The following MLNR variants were observed in gnomAD, a reference collection of about 807,000 sequenced individuals.
MLNR encodes the protein G protein-coupled receptor 38.
MLNR carries 16 observed loss-of-function variants against 20.0 expected under a neutral mutation model. That is an observed-to-expected ratio of 0.80 (90% CI 0.54 to 1.22). MLNR has a LOEUF of 1.22. Ranked by LOEUF, MLNR falls within the 50% of genes most tolerant of loss-of-function variation. The pLI is 0.00. For synonymous variants in MLNR, 302 were observed against 287.2 expected (o/e 1.05, Z -0.52); for missense variants, 630 against 592.3 (o/e 1.06, Z -0.66).
Position 49,220,635 on chromosome 13 carries a change from C to T in MLNR, c.298C>T (p.Arg100Cys), listed in dbSNP as rs1886990373. ...GCCGTTCGACCTGTACCGCCTCTGG[C>T]GCTCGCGGCCCTGGGTGTTCGGGCC... ...GLPFDLYRLW[R>C]SRPWVFGPLL... is the part of the protein sequence containing the mutation. Residue 100 changes from arginine (R) to cysteine (C), a missense_variant, in exon 1 of 2, where the codon CGC becomes TGC. By Grantham distance (180) the Arg-to-Cys change is radical (BLOSUM62 -3). Coordinates refer to ENST00000218721, the MANE Select transcript of MLNR (RefSeq NM_001507.1). The surrounding 1 kb of genome is among the most constrained non-coding windows in gnomAD (Gnocchi z 4.4). The T allele has an allele frequency of 6.2e-7, 1 of 1,611,406 alleles. No homozygotes were observed. Among genetic ancestry groups the T allele is most frequent in the South Asian group, 1.1e-5 (1 of 90,798 alleles).
intron 1 of MLNR, chr13:49,221,448 A>G: frequency 3.4e-6 from 2 of 586,884 alleles, no homozygotes; most frequent in Non-Finnish European, 5.9e-6. Context: ...GGGGGACCCC[A>G]GGGCGCTTTG....
chr13:49,220,944 G>C lies in MLNR; in HGVS notation c.607G>C (p.Ala203Pro). ...GTARIASSPL[A>P]SSPPLWLSRA... ...CGCGCGGATCGCCTCCTCGCCTCTC[G>C]CCTCGTCGCCGCCTCTCTGGCTCTC... is the stretch of plus-strand genomic sequence containing the variant. The change falls in exon 1 of 2, where the codon GCC becomes CCC. Residue 203 changes from alanine (A) to proline (P), a missense_variant. Transcript: ENST00000218721. The surrounding 1 kb of genome is among the most constrained non-coding windows in gnomAD (Gnocchi z 4.4). 6.6e-7 allele frequency: 1 copy of C among 1,515,456 alleles called. No homozygotes were observed. Among genetic ancestry groups the C allele is most frequent in the South Asian group, 1.2e-5 (1 of 80,806 alleles). 93.9% of individuals were successfully genotyped at this position (1,515,456 alleles called of 1,614,324 possible). A position where few individuals can be genotyped will look rare whatever the true frequency, so the allele number is the denominator to read the frequency against.
rs1887018427 is a variant in MLNR, at chr13:49,221,984, G to C, written c.902-56G>C. ...CAGATGGTTCCTTGTCGGGGTGGGGGGTTTATTTGCTTCCCAATGCTTTTG... is the reference window on the plus strand; with the variant it reads ...CAGATGGTTCCTTGTCGGGGTGGGGCGTTTATTTGCTTCCCAATGCTTTTG... On this transcript the variant is annotated intron_variant, in intron 1 of 1. Transcript: ENST00000218721. The C allele has an allele frequency of 4.1e-6, 6 of 1,470,198 alleles. No homozygotes were observed. In the South Asian group the frequency reaches 7.5e-5, roughly 18 times the overall value. The allele number at this position is 1,470,198 out of a possible 1,614,324, so 91.1% of individuals were successfully genotyped here.
At position 49,220,875 on chromosome 13, in the gene MLNR, G is replaced by A; in HGVS notation, c.538G>A (p.Glu180Lys). 6.4e-7 allele frequency: 1 copy of A among 1,570,826 alleles called. No individual in the cohort carries two copies. The highest frequency in any genetic ancestry group is 8.6e-7 in the Non-Finnish European group (1 of 1,160,520). Reference sequence around the variant, plus strand: ...TCCCTTCTTGTTCCTGGTGGGCGTCGAGCAGGACCCCGGCATCTCCGTAGT... The same window carrying A: ...TCCCTTCTTGTTCCTGGTGGGCGTCAAGCAGGACCCCGGCATCTCCGTAGT... ...AGPFLFLVGV[E>K]QDPGISVVPG... Residue 180 changes from glutamate to lysine, a missense_variant, in exon 1 of 2, where the codon GAG becomes AAG. Transcript: ENST00000218721. The surrounding 1 kb of genome is among the most constrained non-coding windows in gnomAD (Gnocchi z 4.4).
In MLNR at chr13:49,220,580, C is replaced by T. The variant is rs1886989160; in HGVS notation, c.243C>T (p.Ala81=). 6.2e-7 allele frequency: 1 copy of T among 1,613,252 alleles called. No individual in the cohort carries two copies. Among genetic ancestry groups the T allele is most frequent in the Admixed American group, 1.7e-5 (1 of 59,980 alleles). ...CCAACTTGTACCTGGGCAGCATGGC[C>T]GTGTCCGACCTACTCATCCTGCTCG... ...TTTNLYLGSM[A]VSDLLILLGL... Residue 81 remains alanine (A), a synonymous_variant, in exon 1 of 2, where the codon GCC becomes GCT. Transcript: ENST00000218721. The surrounding 1 kb of genome is among the most constrained non-coding windows in gnomAD (Gnocchi z 4.4).
At position 49,220,341 on chromosome 13, in the gene MLNR, G is replaced by T; in HGVS notation, c.4G>T (p.Gly2Cys). 5.1e-6 allele frequency: 7 copies of T among 1,377,502 alleles called. No individual in the cohort carries two copies. The highest frequency in any genetic ancestry group is 5.6e-6 in the Non-Finnish European group (6 of 1,074,536). The allele number at this position is 1,377,502 out of a possible 1,614,324, so 85.3% of individuals were successfully genotyped here. ...GCGGCGGCCGCGCGGAGCACCCATG[G>T]GCAGCCCCTGGAACGGCAGCGACGG... M[G>C]SPWNGSDGPE... Residue 2 changes from glycine to cysteine, a missense_variant, in exon 1 of 2, where the codon GGC becomes TGC. By Grantham distance (159) the Gly-to-Cys change is radical. Transcript: ENST00000218721. This position sits in a 1 kb window ranked among gnomAD's most constrained non-coding sequence, Gnocchi z 4.4.
intron 1 of MLNR, chr13:49,221,473 G>C (rs1004892819): frequency 1.8e-6 from 1 of 562,454 alleles, no homozygotes; most frequent in African/African-American, 2.0e-5. Flanking sequence ...TGGGATCCCC[G>C]GATCCGATTC....
At position 49,222,229 on chromosome 13, in the gene MLNR, C is replaced by T. The variant is rs758729801; in HGVS notation, c.1091C>T (p.Ala364Val). ...AACCTCATTTCAAAGAAGTACAGAG[C>T]GGCGGCCTTTAAACTGCTGCTCGCA... ...LYNLISKKYRAAAFKLLLARK... is the reference protein window; with the variant it reads ...LYNLISKKYRVAAFKLLLARK... Residue 364 changes from alanine (A) to valine (V), a missense_variant, in exon 2 of 2, where the codon GCG (alanine) becomes GTG (valine). Ala to Val is a moderately conservative substitution (Grantham distance 64). Transcript: ENST00000218721. 29 of 1,613,916 alleles carry T rather than the reference C, an allele frequency of 1.8e-5. No individual in the cohort carries two copies. In the Middle Eastern group the frequency reaches 2.0e-3, roughly 110 times the overall value.
Position 49,222,092 on chromosome 13 carries a change from A to G in MLNR, c.954A>G (p.Arg318=). The G allele has an allele frequency of 6.2e-7, 1 of 1,614,168 alleles. No homozygotes were observed. Among genetic ancestry groups the G allele is most frequent in the South Asian group, 1.1e-5 (1 of 91,078 alleles). The change falls in exon 2 of 2, where the codon AGA becomes AGG. Residue 318 remains arginine, a synonymous_variant. Coordinates refer to ENST00000218721, the MANE Select transcript of MLNR (RefSeq NM_001507.1). ...IICWLPFHVG[R]IIYINTEDSR... is the part of the protein sequence containing the mutation. ...GCTGGTTGCCCTTCCACGTTGGCAGAATCATTTACATAAACACGGAAGATT... is the reference window on the plus strand; with the variant it reads ...GCTGGTTGCCCTTCCACGTTGGCAGGATCATTTACATAAACACGGAAGATT...
rs750302335 is a variant in MLNR at position 49,221,096 on chromosome 13, C to A, written c.759C>A (p.Thr253=). Residue 253 remains threonine, a synonymous_variant, in exon 1 of 2, where the codon ACC becomes ACA. Transcript: ENST00000218721. ...GALRVMLWVT[T]AYFFLPFLCL... ...TGCGTGTCATGCTGTGGGTCACCACCGCCTACTTCTTCCTGCCCTTTCTGT... is the reference window on the plus strand; with the variant it reads ...TGCGTGTCATGCTGTGGGTCACCACAGCCTACTTCTTCCTGCCCTTTCTGT... The A allele has an allele frequency of 1.3e-6, 2 of 1,590,790 alleles. No homozygotes were observed. The highest frequency in any genetic ancestry group is 2.2e-5 in the South Asian group (2 of 90,096).
Position 49,220,429 on chromosome 13 carries a change from C to T in MLNR, c.92C>T (p.Ser31Leu). 6.5e-7 allele frequency: 1 copy of T among 1,539,236 alleles called. No homozygotes were observed. The highest frequency in any genetic ancestry group is 8.7e-7 in the Non-Finnish European group (1 of 1,147,400). The change falls in exon 1 of 2, where the codon TCG (serine) becomes TTG (leucine). Residue 31 changes from serine (S) to leucine (L), a missense_variant. By Grantham distance (145) the Ser-to-Leu change is moderately radical. Coordinates refer to ENST00000218721, the MANE Select transcript of MLNR (RefSeq NM_001507.1). This position sits in a 1 kb window ranked among gnomAD's most constrained non-coding sequence, Gnocchi z 4.4. ...ALPPCDERRC[S>L]PFPLGALVPV... ...CCGCCTTGCGACGAGCGCCGCTGCTCGCCCTTTCCCCTGGGGGCGCTGGTG... is the reference window on the plus strand; with the variant it reads ...CCGCCTTGCGACGAGCGCCGCTGCTTGCCCTTTCCCCTGGGGGCGCTGGTG...
intron 1 of MLNR, 135 bp downstream of exon 1, chr13:49,221,373 C>A: frequency 1.1e-6 from 1 of 895,308 alleles, no homozygotes; most frequent in African/African-American, 1.7e-5. Flanking sequence ...TATTTCGATT[C>A]CAGCCTCCAC....
chr13:49,221,052 C>T lies in MLNR; in HGVS notation c.715C>T (p.Pro239Ser). 2.5e-6 allele frequency: 4 copies of T among 1,572,696 alleles called. No individual in the cohort carries two copies. Among genetic ancestry groups the T allele is most frequent in the Non-Finnish European group, 3.4e-6 (4 of 1,169,642 alleles). ...ALFSRECRPS[P>S]AQLGALRVML... ...GTTCAGCCGCGAATGCCGGCCGAGC[C>T]CCGCGCAGCTGGGCGCGCTGCGTGT... Residue 239 changes from proline (P) to serine (S), a missense_variant, in exon 1 of 2, where the codon CCC becomes TCC. Coordinates refer to ENST00000218721, the MANE Select transcript of MLNR (RefSeq NM_001507.1).
In MLNR at chr13:49,222,231, G is replaced by A. The variant is rs1242428162; in HGVS notation, c.1093G>A (p.Ala365Thr). ...YNLISKKYRAAAFKLLLARKS... is the reference protein window; with the variant it reads ...YNLISKKYRATAFKLLLARKS... ...CCTCATTTCAAAGAAGTACAGAGCGGCGGCCTTTAAACTGCTGCTCGCAAG... is the reference window on the plus strand; with the variant it reads ...CCTCATTTCAAAGAAGTACAGAGCGACGGCCTTTAAACTGCTGCTCGCAAG... Residue 365 changes from alanine to threonine, a missense_variant, in exon 2 of 2, where the codon GCG becomes ACG. By Grantham distance (58) the Ala-to-Thr change is moderately conservative. Transcript: ENST00000218721. 1.2e-6 allele frequency: 2 copies of A among 1,614,074 alleles called. No homozygotes were observed. Among genetic ancestry groups the A allele is most frequent in the South Asian group, 2.2e-5 (2 of 91,070 alleles).
At position 49,221,186 on chromosome 13, in the gene MLNR, CCCGGCCGCCT is replaced by C; in HGVS notation, c.851_860del (p.Pro284ArgfsTer22). 6.3e-7 allele frequency: 1 copy of C among 1,586,164 alleles called. No individual in the cohort carries two copies. ...GGAGCAGCCGGCGGCCGCTGCGAGG[CCCGGCCGCCT>C]CGGGGCGGGAGAGAGGCCACCGGCA... is the stretch of plus-strand genomic sequence containing the variant. On this transcript the variant is annotated frameshift_variant, in exon 1 of 2. Coordinates refer to ENST00000218721, the MANE Select transcript of MLNR (RefSeq NM_001507.1). LOFTEE classifies it high-confidence loss of function.
Position 49,220,848 on chromosome 13 carries a change from G to T in MLNR, c.511G>T (p.Gly171Cys), listed in dbSNP as rs752186589. Reference protein sequence around the residue: ...VLWAVALLSAGPFLFLVGVEQ... With the variant: ...VLWAVALLSACPFLFLVGVEQ... ...CTGGGCCGTGGCGCTGCTCTCTGCC[G>T]GTCCCTTCTTGTTCCTGGTGGGCGT... Residue 171 changes from glycine (G) to cysteine (C), a missense_variant, in exon 1 of 2, where the codon GGT becomes TGT. Gly to Cys is a radical substitution (Grantham distance 159). Coordinates refer to ENST00000218721, the MANE Select transcript of MLNR (RefSeq NM_001507.1). The surrounding 1 kb of genome is among the most constrained non-coding windows in gnomAD (Gnocchi z 4.4). 1.9e-6 allele frequency: 3 copies of T among 1,576,934 alleles called. No individual in the cohort carries two copies. The highest frequency in any genetic ancestry group is 3.4e-4 in the Middle Eastern group (2 of 5,804).
rs938932222 is a variant in MLNR, at chr13:49,220,984, C to T, written c.647C>T (p.Pro216Leu). The T allele has an allele frequency of 1.5e-5, 23 of 1,497,904 alleles. No homozygotes were observed. Among genetic ancestry groups the T allele is most frequent in the Non-Finnish European group, 1.9e-5 (22 of 1,131,494 alleles). 92.8% of individuals were successfully genotyped at this position (1,497,904 alleles called of 1,614,324 possible). Residue 216 changes from proline to leucine, a missense_variant, in exon 1 of 2, where the codon CCG becomes CTG. Coordinates refer to ENST00000218721, the MANE Select transcript of MLNR (RefSeq NM_001507.1). This position sits in a 1 kb window ranked among gnomAD's most constrained non-coding sequence, Gnocchi z 4.4. ...PPLWLSRAPP[P>L]SPPSGPETAE... ...CTCTGGCTCTCGCGGGCGCCACCGC[C>T]GTCCCCGCCGTCGGGGCCCGAGACC...
chr13:49,221,132 C>T lies in MLNR; in HGVS notation c.795C>T (p.Ile265=). 3 of 1,592,396 alleles carry T rather than the reference C, an allele frequency of 1.9e-6. No homozygotes were observed. The highest frequency in any genetic ancestry group is 2.5e-6 in the Non-Finnish European group (3 of 1,177,386). The change falls in exon 1 of 2, where the codon ATC becomes ATT. Residue 265 remains isoleucine, a synonymous_variant. Transcript: ENST00000218721. ...TCCTGCCCTTTCTGTGCCTCAGCATCCTCTACGGGCTCATCGGGCGGGAGC... is the reference window on the plus strand; with the variant it reads ...TCCTGCCCTTTCTGTGCCTCAGCATTCTCTACGGGCTCATCGGGCGGGAGC... ...YFFLPFLCLS[I]LYGLIGRELW...
rs1347162915 is a variant in MLNR, at chr13:49,221,111, G to A, written c.774G>A (p.Leu258=). ...MLWVTTAYFF[L]PFLCLSILYG... ...GGGTCACCACCGCCTACTTCTTCCT[G>A]CCCTTTCTGTGCCTCAGCATCCTCT... is the stretch of plus-strand genomic sequence containing the variant. The change falls in exon 1 of 2, where the codon CTG becomes CTA. Residue 258 remains leucine (L), a synonymous_variant. Coordinates refer to ENST00000218721, the MANE Select transcript of MLNR (RefSeq NM_001507.1). 3 of 1,591,740 alleles carry A rather than the reference G, an allele frequency of 1.9e-6. No individual in the cohort carries two copies. The highest frequency in any genetic ancestry group is 2.5e-6 in the Non-Finnish European group (3 of 1,177,108).
Sources: gnomAD v4.1 joint callset for allele counts on GRCh38, gnomAD v4.1.1 for gene constraint, Gnocchi (gnomAD v3.1) non-coding constraint, MANE v1.5 for transcripts, NCBI Gene and HGNC (gene_info 2026-07-23, HGNC 2026-07-21) for gene names.